COL4A6: variants seen among roughly 807,000 people sequenced by gnomAD.
COL4A6 encodes the protein collagen alpha-6(IV) chain.
COL4A6 carries 59 observed loss-of-function variants against 126.7 expected under a neutral mutation model. That is an observed-to-expected ratio of 0.47 (90% CI 0.38 to 0.58). The LOEUF (loss-of-function observed/expected upper bound fraction) is 0.58, where lower values mean the gene tolerates loss of function less well. COL4A6 is among the 20% of genes least tolerant of loss of function. The pLI is 0.00. For synonymous variants in COL4A6, 547 were observed against 496.6 expected (o/e 1.10, Z -1.35); for missense variants, 1,285 against 1,337.3 (o/e 0.96, Z 0.61).
chrX:108,380,487 A>G (rs2040539158), intron 2 of COL4A6, among the ~76,000 whole-genome samples: 1 of 112,168 alleles, frequency 8.9e-6, no homozygotes, highest in South Asian at 3.7e-4. Flanking sequence ...TGAACCTAGG[A>G]GCTTTTCCAT....
intron 3 of COL4A6, among the ~76,000 whole-genome samples, chrX:108,232,186 G>A (rs978390696): frequency 1.8e-5 from 2 of 111,879 alleles, no homozygotes; most frequent in South Asian, 7.5e-4. Flanking sequence ...TGCCTAGATA[G>A]AGGCAAATAA....
chrX:108,255,807 C>G (rs1431668490), intron 3 of COL4A6, among the ~76,000 whole-genome samples: 1 of 111,464 alleles, frequency 9.0e-6, no homozygotes, highest in African/African-American at 3.3e-5. Context: ...CAACATATAC[C>G]TTCACAGAAC....
At chrX:108,322,942 G>A (rs932953403) in intron 2 of COL4A6, among the ~76,000 whole-genome samples, 5 of 112,222 alleles carry the variant, frequency 4.5e-5, no homozygotes, top group African/African-American at 1.3e-4. Flanking sequence ...AGTGTCATCT[G>A]TTTTGTCTGA....
intron 2 of COL4A6, among the ~76,000 whole-genome samples, chrX:108,377,941 CAAAAAAA>C (rs745969449): frequency 4.1e-4 from 3 of 7,233 alleles, no homozygotes; most frequent in Non-Finnish European, 8.8e-4. Context: ...GACTCCGTCT[CAAAAAAA>C]AAAAAAAAAA....
At chrX:108,232,068 G>A (rs1385388802) in intron 3 of COL4A6, among the ~76,000 whole-genome samples, 2 of 111,558 alleles carry the variant, frequency 1.8e-5, no homozygotes. Flanking sequence ...ATGCTAACTT[G>A]ATGGTCATTA....
intron 42 of COL4A6, among the ~76,000 whole-genome samples, chrX:108,161,289 C>T (rs2033925170): frequency 8.9e-6 from 1 of 111,788 alleles, no homozygotes; most frequent in African/African-American, 3.3e-5. Flanking sequence ...TCATGTGTGT[C>T]AGAATCCCTG....
chrX:108,291,298 G>C (rs1375355109), intron 3 of COL4A6, among the ~76,000 whole-genome samples: 1 of 112,242 alleles, frequency 8.9e-6, no homozygotes, highest in Non-Finnish European at 1.9e-5. Context: ...CAACATTTTA[G>C]TGCATGTCAT....
At chrX:108,175,035 T>C in intron 30 of COL4A6, 55 bp downstream of exon 30, 1 of 1,118,385 alleles carries the variant, frequency 8.9e-7, no homozygotes. Flanking sequence ...GGAAGCCAAG[T>C]TTGGTTATGA....
chrX:108,319,509 A>C (rs1351471240), intron 2 of COL4A6, among the ~76,000 whole-genome samples: 1 of 112,338 alleles, frequency 8.9e-6, no homozygotes, highest in Non-Finnish European at 1.9e-5. Context: ...GGGAGTAGCC[A>C]GTGAGATGAG....
chrX:108,285,272 C>G (rs2037975804), intron 3 of COL4A6, among the ~76,000 whole-genome samples: 1 of 111,685 alleles, frequency 9.0e-6, no homozygotes, highest in Non-Finnish European at 1.9e-5. Context: ...CAAATCAGCA[C>G]TGGAAGTTCT....
intron 2 of COL4A6, among the ~76,000 whole-genome samples, chrX:108,387,781 C>T (rs2040736463): frequency 8.9e-6 from 1 of 112,128 alleles, no homozygotes; most frequent in African/African-American, 3.2e-5. Context: ...ATAGGACATC[C>T]TTGCCTTGTG....
At chrX:108,287,175 A>G (rs2038029451) in intron 3 of COL4A6, among the ~76,000 whole-genome samples, 1 of 111,944 alleles carries the variant, frequency 8.9e-6, no homozygotes, top group Non-Finnish European at 1.9e-5. Flanking sequence ...TCAATTTTTC[A>G]TCTAGGTTCT....
At chrX:108,171,291 A>C (rs1456443653) in intron 33 of COL4A6, 96 bp downstream of exon 33, 4 of 694,100 alleles carry the variant, frequency 5.8e-6, no homozygotes. Context: ...CACTGGATAG[A>C]AGTTGCAGAA....
chrX:108,281,953 C>G (rs969963499), intron 3 of COL4A6, among the ~76,000 whole-genome samples: 1 of 110,033 alleles, frequency 9.1e-6, no homozygotes, highest in African/African-American at 3.3e-5. Flanking sequence ...ATGTAGAAAG[C>G]TGAAACTGGA....
At chrX:108,194,755 G>A (rs993746612) in intron 15 of COL4A6, 168 bp from the exon 16 acceptor site, 2 of 491,707 alleles carry the variant, frequency 4.1e-6, no homozygotes, top group South Asian at 3.6e-5. Context: ...AAGACAATAC[G>A]GCAGTAGGTA....
In COL4A6 at chrX:108,160,648, G is replaced by A. The variant is rs1602698582; in HGVS notation, c.4340C>T (p.Pro1447Leu). 1 of 1,204,349 alleles carries A rather than the reference G, an allele frequency of 8.3e-7. No homozygotes were observed. The highest frequency in any genetic ancestry group is 3.0e-5 in the East Asian group (1 of 33,712). The part of the protein sequence containing the change: ...LQGPPGFEGA[P>L]GQQGPFGMPG... ...CATCCCGAAGGGGCCTTGCTGCCCTGGAGCTCCTGAGAGAGACAGATCATA... is the reference window on the plus strand; with the variant it reads ...CATCCCGAAGGGGCCTTGCTGCCCTAGAGCTCCTGAGAGAGACAGATCATA... The change falls in exon 43 of 45, where the codon CCA (proline) becomes CTA (leucine). Residue 1447 changes from proline to leucine, a missense_variant. Coordinates refer to ENST00000334504, the MANE Select transcript of COL4A6 (RefSeq NM_033641.4).
chrX:108,180,664 G>T, intron 24 of COL4A6, 42 bp from the exon 25 acceptor site: 1 of 1,026,455 alleles, frequency 9.7e-7, no homozygotes, highest in Non-Finnish European at 1.3e-6. Context: ...AGGAAAGTCG[G>T]TGTGCTAGGT....
At chrX:108,325,164 T>G (rs977817914) in intron 2 of COL4A6, among the ~76,000 whole-genome samples, 1 of 111,998 alleles carries the variant, frequency 8.9e-6, no homozygotes, top group Non-Finnish European at 1.9e-5. Context: ...AAAAAAGCAC[T>G]GCATGTCATA....
chrX:108,242,799 T>C (rs1455602126), intron 3 of COL4A6, among the ~76,000 whole-genome samples: 2 of 110,999 alleles, frequency 1.8e-5, no homozygotes, highest in Non-Finnish European at 3.8e-5. Flanking sequence ...ATGTCTTCGG[T>C]GGCCCTCTCA....
Sources: gnomAD v4.1 joint callset for allele counts (sites outside exome capture counted in the v4.1 genomes callset) on GRCh38, gnomAD v4.1.1 for gene constraint, MANE v1.5 for transcripts, NCBI Gene and HGNC (gene_info 2026-07-23, HGNC 2026-07-21) for gene names.